Variants in FNDC3A observed in about 807,000 individuals in gnomAD.
FNDC3A encodes fibronectin type-III domain-containing protein 3A.
A neutral mutation model predicts 148.9 loss-of-function variants in FNDC3A; 32 were observed. The observed-to-expected ratio is 0.21, with a 90% CI of 0.16 to 0.29. The LOEUF (loss-of-function observed/expected upper bound fraction) is 0.29, where lower values mean the gene tolerates loss of function less well. Ranked by LOEUF, FNDC3A falls within the 10% of genes least tolerant of loss-of-function variation. The pLI is 1.00. For missense variants in FNDC3A, 1,191 were observed against 1,452.8 expected (o/e 0.82, Z 2.93); for synonymous variants, 472 against 473.6 (o/e 1.00, Z 0.04).
At chr13:49,065,249 A>G (rs9535140) in intron 2 of FNDC3A, among the ~76,000 whole-genome samples, 93,915 of 151,898 alleles carry the variant, frequency 0.62, 29,754 homozygotes, top group Non-Finnish European at 0.68. Context: ...TCAGCAGAGT[A>G]TCTGGACCTT....
intron 8 of FNDC3A, 59 bp downstream of exon 8, chr13:49,145,994 G>A: frequency 7.6e-7 from 1 of 1,307,564 alleles, no homozygotes; most frequent in Non-Finnish European, 1.1e-6. Context: ...ATTATAAAGA[G>A]CTTATTACTA....
Position 49,133,719 on chromosome 13 carries a change from A to G in FNDC3A, c.490+2345A>G, listed in dbSNP as rs138837753. 9.2e-5 allele frequency among the ~76,000 whole-genome samples: 14 copies of G among 152,286 alleles called. No individual in the cohort carries two copies. In the East Asian group the frequency reaches 2.7e-3, roughly 29 times the overall value. ...GCTCACACATGTATTATCTCACTTA[A>G]TTTTCAATAAAATTCTGCAAAATTC... On this transcript the variant is annotated intron_variant, in intron 5 of 25. Transcript: ENST00000492622.
rs1280150163 is a variant in FNDC3A at position 49,208,675 on chromosome 13, A to G, written c.*1280A>G. On this transcript the variant is annotated 3_prime_UTR_variant, in exon 26 of 26. Transcript: ENST00000492622. ...CATTGTACATCTTGCCTAGATGTCG[A>G]TGACTGCAAGTAATAATACAGTTTA... 1 of 152,666 alleles carries G rather than the reference A, an allele frequency of 6.6e-6. No individual in the cohort carries two copies. The highest frequency in any genetic ancestry group is 1.5e-5 in the Non-Finnish European group (1 of 68,044). The allele number at this position is 152,666 out of a possible 1,614,324, so 9.5% of individuals were successfully genotyped here.
At chr13:49,019,212 C>G (rs1429824441) in intron 2 of FNDC3A, among the ~76,000 whole-genome samples, 1 of 152,246 alleles carries the variant, frequency 6.6e-6, no homozygotes, top group Non-Finnish European at 1.5e-5. Context: ...TCGCTGCTGC[C>G]TTGCAGTTTG....
At chr13:49,120,030 C>T (rs192703644) in intron 4 of FNDC3A, among the ~76,000 whole-genome samples, 8 of 152,126 alleles carry the variant, frequency 5.3e-5, no homozygotes, top group African/African-American at 1.7e-4. Flanking sequence ...ACCCAAGACA[C>T]GTAATTGTCA....
intron 2 of FNDC3A, among the ~76,000 whole-genome samples, chr13:49,062,769 G>C (rs1188343931): frequency 6.6e-6 from 1 of 152,150 alleles, no homozygotes; most frequent in African/African-American, 2.4e-5. Context: ...CTGAGTACTT[G>C]TCTGTTTTCT....
At chr13:49,126,594 T>G (rs908227697) in intron 4 of FNDC3A, among the ~76,000 whole-genome samples, 1 of 152,180 alleles carries the variant, frequency 6.6e-6, no homozygotes, top group Admixed American at 6.5e-5. Flanking sequence ...AAAAAGACAC[T>G]AGAAGACCTA....
At chr13:49,058,068 C>A (rs1019494548) in intron 2 of FNDC3A, among the ~76,000 whole-genome samples, 1 of 152,038 alleles carries the variant, frequency 6.6e-6, no homozygotes, top group East Asian at 1.9e-4. Flanking sequence ...TGTAGCAGGA[C>A]AAGCCACAGA....
At chr13:49,102,838 T>C (rs1383988944) in intron 3 of FNDC3A, among the ~76,000 whole-genome samples, 1 of 152,232 alleles carries the variant, frequency 6.6e-6, no homozygotes, top group Non-Finnish European at 1.5e-5. Flanking sequence ...AACTTAAAAA[T>C]GTACCTGCTT....
chr13:48,985,198 T>C (rs1156339108), intron 1 of FNDC3A, among the ~76,000 whole-genome samples: 1 of 152,040 alleles, frequency 6.6e-6, no homozygotes, highest in African/African-American at 2.4e-5. Context: ...CAAATCAATA[T>C]GAAAAAGATA....
intron 2 of FNDC3A, among the ~76,000 whole-genome samples, chr13:49,024,011 GATAA>G (rs759873849): frequency 2.2e-4 from 34 of 151,796 alleles, no homozygotes; most frequent in Non-Finnish European, 4.6e-4. Context: ...AAGAAAAAGA[GATAA>G]ATAAATAAAT....
intron 2 of FNDC3A, among the ~76,000 whole-genome samples, chr13:49,038,892 GA>G (rs1232496410): frequency 2.0e-5 from 3 of 152,042 alleles, no homozygotes; most frequent in Admixed American, 6.6e-5. Flanking sequence ...TGGTTTTGTA[GA>G]TTTTTTTTTG....
intron 3 of FNDC3A, chr13:49,095,520 C>T (rs1385128420): frequency 6.6e-6 from 1 of 151,934 alleles, no homozygotes; most frequent in Non-Finnish European, 1.5e-5. Context: ...AAAGGAAACT[C>T]AAGGTAGAGA....
intron 3 of FNDC3A, among the ~76,000 whole-genome samples, chr13:49,087,296 G>A (rs1371050682): frequency 2.0e-5 from 3 of 152,074 alleles, no homozygotes; most frequent in Admixed American, 6.5e-5. Context: ...TCTTATATTA[G>A]CTTTTGAATA....
At chr13:49,048,242 T>C (rs1171751313) in intron 2 of FNDC3A, among the ~76,000 whole-genome samples, 3 of 152,168 alleles carry the variant, frequency 2.0e-5, no homozygotes, top group Non-Finnish European at 4.4e-5. Flanking sequence ...ATTTGTTCTT[T>C]TTGCATAGTC....
At chr13:49,058,710 T>C (rs185548810) in intron 2 of FNDC3A, among the ~76,000 whole-genome samples, 1 of 152,220 alleles carries the variant, frequency 6.6e-6, no homozygotes, top group East Asian at 1.9e-4. Context: ...ATTGTTTAAG[T>C]CACCCAACCT....
At chr13:49,159,565 C>G (rs1883955486) in intron 8 of FNDC3A, among the ~76,000 whole-genome samples, 1 of 152,178 alleles carries the variant, frequency 6.6e-6, no homozygotes, top group African/African-American at 2.4e-5. Context: ...CATCTGCAGA[C>G]AGGGACAATT....
rs566688181 is a variant in FNDC3A at position 49,119,524 on chromosome 13, G to A, written c.252+4793G>A. The stretch of plus-strand genomic sequence containing the variant: ...GACAGAAGTAGGCTTCAGAAGGTGG[G>A]TAATAACAAACTCCTCTGAGCTAAA... On this transcript the variant is annotated intron_variant, in intron 4 of 25. Transcript: ENST00000492622. Among the ~76,000 whole-genome samples, 3 of 152,070 alleles carry A rather than the reference G, an allele frequency of 2.0e-5. No individual in the cohort carries two copies. The East Asian group carries it at 5.8e-4, about 30-fold the overall frequency.
intron 2 of FNDC3A, among the ~76,000 whole-genome samples, chr13:49,030,614 TAA>T (rs1183553275): frequency 6.6e-6 from 1 of 152,098 alleles, no homozygotes; most frequent in Non-Finnish European, 1.5e-5. Flanking sequence ...AAGAAAATCT[TAA>T]AGAATCCACT....
Sources: gnomAD v4.1 joint callset for allele counts (sites outside exome capture counted in the v4.1 genomes callset) on GRCh38, gnomAD v4.1.1 for gene constraint, MANE v1.5 for transcripts, NCBI Gene and HGNC (gene_info 2026-07-23, HGNC 2026-07-21) for gene names.